Variants in B4GALNT2 observed in about 807,000 individuals in gnomAD.
B4GALNT2 encodes beta-1,4-N-acetyl-galactosaminyltransferase 2 (SID blood group), also known as N-acetylneuraminylgalactosylglucosyl-glucoside beta-1,4-N- acetylgalactosaminyltransferase 2.
B4GALNT2 carries 42 observed loss-of-function variants against 51.1 expected under a neutral mutation model. That is an observed-to-expected ratio of 0.82 (90% CI 0.64 to 1.06). B4GALNT2 has a LOEUF of 1.06. Ranked by LOEUF, B4GALNT2 falls within the 50% of genes least tolerant of loss-of-function variation. The pLI, the probability that B4GALNT2 is intolerant of heterozygous loss-of-function variation, is 0.00. For missense variants in B4GALNT2, 602 were observed against 633.6 expected (o/e 0.95, Z 0.54); for synonymous variants, 253 against 251.7 (o/e 1.01, Z -0.05).
intron 8 of B4GALNT2, 100 bp downstream of exon 8, chr17:49,164,375 C>G: frequency 8.9e-7 from 1 of 1,121,608 alleles, no homozygotes; most frequent in Non-Finnish European, 1.3e-6. Context: ...AGGGTCTTCC[C>G]AAGAAAGCAG....
chr17:49,137,047 T>C (rs2042597017), intron 1 of B4GALNT2, among the ~76,000 whole-genome samples: 1 of 151,576 alleles, frequency 6.6e-6, no homozygotes, highest in African/African-American at 2.4e-5. Context: ...TCTGCTCAGT[T>C]CATTACCAGA....
At chr17:49,158,496 C>G (rs8070296) in intron 5 of B4GALNT2, among the ~76,000 whole-genome samples, 152,206 of 152,264 alleles carry the variant, frequency 1, 76,074 homozygotes, top group Non-Finnish European at 1. Flanking sequence ...AAATTAGCCA[C>G]GTGTGGTGGC....
rs566737755 is a variant in B4GALNT2, at chr17:49,137,905, T to G, written c.15-3342T>G. 2.6e-5 allele frequency among the ~76,000 whole-genome samples: 4 copies of G among 152,286 alleles called. No individual in the cohort carries two copies. The East Asian group carries it at 7.7e-4, about 29-fold the overall frequency. On this transcript the variant is annotated intron_variant, in intron 1 of 10. Coordinates refer to ENST00000393354, the MANE Select transcript of B4GALNT2 (RefSeq NM_001159387.2). ...AGAGGAAGATGTTAAATGATCACTG[T>G]GAGACCTGATTAAAATCCAACAAAA... is the stretch of plus-strand genomic sequence containing the variant.
intron 1 of B4GALNT2, among the ~76,000 whole-genome samples, chr17:49,134,206 T>C (rs915233532): frequency 6.6e-6 from 1 of 152,170 alleles, no homozygotes; most frequent in South Asian, 2.1e-4. Context: ...GCATAAAAGG[T>C]CTGCAGTTTC....
chr17:49,133,722 G>A (rs911554951), intron 1 of B4GALNT2, among the ~76,000 whole-genome samples: 22 of 152,124 alleles, frequency 1.4e-4, no homozygotes, highest in Admixed American at 4.6e-4. Flanking sequence ...AGACCAGCCT[G>A]GCCAACATGG....
chr17:49,120,484 CTGTGTGTGTGTG>C, the B4GALNT2 span, among the ~76,000 whole-genome samples: 15 of 144,166 alleles, frequency 1.0e-4, no homozygotes, highest in South Asian at 1.1e-3. Context: ...GTGTGTGTGT[CTGTGTGTGTGTG>C]TGTGTGTGTG....
intron 1 of B4GALNT2, 47 bp from the exon 2 acceptor site, chr17:49,141,200 T>A (rs1222923190): frequency 1.9e-6 from 3 of 1,554,842 alleles, no homozygotes; most frequent in Non-Finnish European, 2.7e-6. Flanking sequence ...CATTACATAA[T>A]CAAGAAAAAA....
In B4GALNT2 at chr17:49,153,463, T is replaced by C. The variant is rs74720508; in HGVS notation, c.460+557T>C. On this transcript the variant is annotated intron_variant, in intron 4 of 10. Transcript: ENST00000393354. ...ATAAAAGTATGGAGCAGACATTCATTGGTACCTGCTGTGTACTCAGCACAA... is the reference window on the plus strand; with the variant it reads ...ATAAAAGTATGGAGCAGACATTCATCGGTACCTGCTGTGTACTCAGCACAA... Among the ~76,000 whole-genome samples, 1,956 of 151,968 alleles carry C rather than the reference T, an allele frequency of 0.013. 159 individuals are homozygous for C. In the East Asian group the frequency reaches 0.22, roughly 17 times the overall value.
chr17:49,151,744 C>CAA (rs58844179), intron 3 of B4GALNT2, among the ~76,000 whole-genome samples: 13 of 99,118 alleles, frequency 1.3e-4, no homozygotes, highest in Admixed American at 2.1e-4. Flanking sequence ...GACTCTGTCA[C>CAA]AAAAAAAAAA....
chr17:49,172,874 A>G lies in B4GALNT2; in HGVS notation c.*3146A>G, dbSNP rs1171134648. On this transcript the variant is annotated 3_prime_UTR_variant, in exon 11 of 11. Coordinates refer to ENST00000393354, the MANE Select transcript of B4GALNT2 (RefSeq NM_001159387.2). ...ATAAGCTAGTCTCCCAAACGAGGGA[A>G]CATGTGTGACATCCATTTGCCAAAG... 1.3e-5 allele frequency: 2 copies of G among 152,228 alleles called. No individual in the cohort carries two copies. Among genetic ancestry groups the G allele is most frequent in the Non-Finnish European group, 2.9e-5 (2 of 68,040 alleles). 9.4% of individuals were successfully genotyped at this position (152,228 alleles called of 1,614,324 possible).
At chr17:49,132,316 T>G (rs999116007), upstream of B4GALNT2, 2 of 161,964 alleles carry the variant, frequency 1.2e-5, no homozygotes, top group Non-Finnish European at 2.7e-5. Flanking sequence ...TCCCTGCCCG[T>G]TAGAAGGATT....
intron 3 of B4GALNT2, among the ~76,000 whole-genome samples, chr17:49,150,343 T>G (rs1162501779): frequency 3.3e-5 from 5 of 150,556 alleles, no homozygotes; most frequent in East Asian, 2.0e-4. Context: ...GTCCGGGAGG[T>G]GAGGGGCGCC....
chr17:49,128,354 G>A (rs911642681), upstream of B4GALNT2, among the ~76,000 whole-genome samples: 2 of 152,144 alleles, frequency 1.3e-5, no homozygotes, highest in African/African-American at 4.8e-5. Flanking sequence ...AAGGCTTGCG[G>A]GCAGGAGGGG....
At chr17:49,126,411 C>T in the B4GALNT2 span, among the ~76,000 whole-genome samples, 3 of 150,372 alleles carry the variant, frequency 2.0e-5, no homozygotes, top group Admixed American at 6.7e-5. Context: ...CCTTTGTTCA[C>T]TTGTTTATCT....
rs577341474 is a variant in B4GALNT2 at position 49,141,281 on chromosome 17, A to T, written c.49A>T (p.Ile17Leu). ...TCTGTGGCTCCTCAAGATATTGGTC[A>T]TAATCCTGGTACTTGGCATTGTTGG... is the stretch of plus-strand genomic sequence containing the variant. The part of the protein sequence containing the change: ...RFLWLLKILV[I>L]ILVLGIVGFM... Residue 17 changes from isoleucine to leucine, a missense_variant, in exon 2 of 11, where the codon ATA (isoleucine) becomes TTA (leucine). Coordinates refer to ENST00000393354, the MANE Select transcript of B4GALNT2 (RefSeq NM_001159387.2). The T allele has an allele frequency of 7.4e-6, 12 of 1,614,052 alleles. No homozygotes were observed. The highest frequency in any genetic ancestry group is 1.0e-5 in the Non-Finnish European group (12 of 1,180,012).
At chr17:49,148,642 C>T (rs1180675908) in intron 3 of B4GALNT2, 2 of 558,664 alleles carry the variant, frequency 3.6e-6, no homozygotes, top group Non-Finnish European at 6.7e-6. Flanking sequence ...TGCACAAAGC[C>T]TCCGGACTTG....
At position 49,168,819 on chromosome 17, in the gene B4GALNT2, G is replaced by A. The variant is rs143507301; in HGVS notation, c.1234G>A (p.Val412Met). 318 of 1,613,782 alleles carry A rather than the reference G, an allele frequency of 2.0e-4. 1 individual carries two copies. The highest frequency in any genetic ancestry group is 2.5e-4 in the Non-Finnish European group (295 of 1,180,028). Reference sequence around the variant, plus strand: ...CCCCAGCTGCGTGGTGACCAGTGGCGTGGTCAACTTCTTCCTGGCCCACAC... The same window carrying A: ...CCCCAGCTGCGTGGTGACCAGTGGCATGGTCAACTTCTTCCTGGCCCACAC... ...GFPSCVVTSG[V>M]VNFFLAHTER... is the part of the protein sequence containing the mutation. Residue 412 changes from valine to methionine, a missense_variant, in exon 10 of 11, where the codon GTG becomes ATG. Physicochemically the swap from Val to Met is conservative, Grantham distance 21 (BLOSUM62 1). Coordinates refer to ENST00000393354, the MANE Select transcript of B4GALNT2 (RefSeq NM_001159387.2).
chr17:49,127,801 A>G (rs890099981), upstream of B4GALNT2, among the ~76,000 whole-genome samples: 2 of 152,242 alleles, frequency 1.3e-5, no homozygotes, highest in African/African-American at 4.8e-5. Flanking sequence ...TTCCATAAGG[A>G]AAACAGATTT....
chr17:49,153,507 A>ATTTTTT (rs569207630), intron 4 of B4GALNT2, among the ~76,000 whole-genome samples: 1 of 145,954 alleles, frequency 6.9e-6, no homozygotes. Context: ...GCTTGATGTG[A>ATTTTTT]TTTTTTTTTT....
Sources: allele counts gnomAD v4.1 joint callset (sites outside exome capture counted in the v4.1 genomes callset), GRCh38; gene constraint gnomAD v4.1.1; transcripts MANE v1.5; gene names NCBI Gene and HGNC (gene_info 2026-07-23, HGNC 2026-07-21).